OTUD7A: variants seen among roughly 807,000 people sequenced by gnomAD.
OTUD7A encodes OTU domain-containing protein 7A.
OTUD7A carries 12 observed loss-of-function variants against 65.7 expected under a neutral mutation model. That is an observed-to-expected ratio of 0.18 (90% CI 0.12 to 0.30). The LOEUF is 0.30. Among genes scored for constraint, OTUD7A ranks in the 10% least tolerant of loss-of-function variants. The pLI is 1.00. For missense variants in OTUD7A, 1,148 were observed against 1,304.8 expected (o/e 0.88, Z 1.85); for synonymous variants, 641 against 586.3 (o/e 1.09, Z -1.35).
At chr15:31,644,337 C>T (rs1393401521) in intron 3 of OTUD7A, among the ~76,000 whole-genome samples, 1 of 152,086 alleles carries the variant, frequency 6.6e-6, no homozygotes, top group African/African-American at 2.4e-5. Flanking sequence ...GCTCTAACCT[C>T]ACCCTTGGTG....
chr15:31,775,113 CACACA>C (rs1895342411), intron 1 of OTUD7A, among the ~76,000 whole-genome samples: 1 of 151,996 alleles, frequency 6.6e-6, no homozygotes, highest in East Asian at 1.9e-4. Context: ...CACACACACA[CACACA>C]CCCCTCCCCT....
In OTUD7A at chr15:31,791,317, G is replaced by A. The variant is rs764651139; in HGVS notation, c.-100+79190C>T. On this transcript the variant is annotated intron_variant, in intron 1 of 12. Transcript: ENST00000307050. ...TGGGATTACAGGCATAAGCTAACGCGCCCAGCCCTACTAATAGTCATCTTA... is the reference window on the plus strand; with the variant it reads ...TGGGATTACAGGCATAAGCTAACGCACCCAGCCCTACTAATAGTCATCTTA... 2.6e-5 allele frequency among the ~76,000 whole-genome samples: 4 copies of A among 152,138 alleles called. No individual in the cohort carries two copies. In the East Asian group the frequency reaches 7.7e-4, roughly 29 times the overall value.
chr15:31,525,111 C>G (rs182998196), intron 8 of OTUD7A, among the ~76,000 whole-genome samples: 1 of 152,208 alleles, frequency 6.6e-6, no homozygotes, highest in Non-Finnish European at 1.5e-5. Context: ...GACACCTGGC[C>G]TGGATCCAGT....
intron 1 of OTUD7A, among the ~76,000 whole-genome samples, chr15:31,857,511 T>A (rs528462763): frequency 6.6e-6 from 1 of 151,838 alleles, no homozygotes; most frequent in Non-Finnish European, 1.5e-5. Flanking sequence ...GGAAATCACA[T>A]AGGGATGGCA....
chr15:31,513,632 G>T (rs1302211603), intron 8 of OTUD7A, among the ~76,000 whole-genome samples: 7 of 152,200 alleles, frequency 4.6e-5, no homozygotes, highest in Admixed American at 4.6e-4. Flanking sequence ...CTCACAGTTA[G>T]ATTGGATTGG....
chr15:31,572,084 C>T (rs1889072409), intron 3 of OTUD7A, among the ~76,000 whole-genome samples: 2 of 152,156 alleles, frequency 1.3e-5, no homozygotes, highest in South Asian at 4.1e-4. Flanking sequence ...CTAGTTACAA[C>T]TTACATCCTA....
intron 1 of OTUD7A, among the ~76,000 whole-genome samples, chr15:31,673,948 A>G (rs900793701): frequency 6.6e-6 from 1 of 152,212 alleles, no homozygotes; most frequent in African/African-American, 2.4e-5. Flanking sequence ...AATATACCGG[A>G]TAATAAGTAT....
At chr15:31,537,662 T>C (rs891581810) in intron 5 of OTUD7A, among the ~76,000 whole-genome samples, 2 of 152,214 alleles carry the variant, frequency 1.3e-5, no homozygotes, top group African/African-American at 4.8e-5. Context: ...AAAACTGGGT[T>C]GCCACAGAGT....
chr15:31,549,135 CAAAAAAAAAAAA>C (rs568463366), intron 5 of OTUD7A, among the ~76,000 whole-genome samples: 2 of 65,082 alleles, frequency 3.1e-5, no homozygotes, highest in Non-Finnish European at 7.3e-5. Context: ...GGCCTTGTCT[CAAAAAAAAAAAA>C]AAAAAAAAAA....
intron 3 of OTUD7A, among the ~76,000 whole-genome samples, chr15:31,587,363 C>T (rs576865455): frequency 5.9e-5 from 9 of 152,142 alleles, no homozygotes; most frequent in Non-Finnish European, 8.8e-5. Flanking sequence ...CTTGGCCGGG[C>T]GCGGTGGCTC....
chr15:31,691,038 G>T (rs544321334), intron 1 of OTUD7A, among the ~76,000 whole-genome samples: 1 of 152,122 alleles, frequency 6.6e-6, no homozygotes, highest in Non-Finnish European at 1.5e-5. Flanking sequence ...TCATATATCT[G>T]ATAAGGGATT....
intron 5 of OTUD7A, among the ~76,000 whole-genome samples, chr15:31,552,053 G>A (rs1004846914): frequency 1.3e-5 from 2 of 152,178 alleles, no homozygotes; most frequent in African/African-American, 2.4e-5. Flanking sequence ...TGCCATCCTC[G>A]CAGTAATGAG....
intron 1 of OTUD7A, among the ~76,000 whole-genome samples, chr15:31,726,771 T>C (rs1226822011): frequency 6.6e-6 from 1 of 152,214 alleles, no homozygotes; most frequent in Non-Finnish European, 1.5e-5. Flanking sequence ...GATTTCTCAA[T>C]GTTAGAAGTG....
chr15:31,848,470 C>T (rs532036241), intron 1 of OTUD7A, among the ~76,000 whole-genome samples: 25 of 152,226 alleles, frequency 1.6e-4, no homozygotes, highest in African/African-American at 5.3e-4. Flanking sequence ...ACAGTTTTCT[C>T]TCACTGAGCT....
intron 5 of OTUD7A, among the ~76,000 whole-genome samples, chr15:31,532,425 CA>C (rs1264904014): frequency 6.6e-6 from 1 of 151,790 alleles, no homozygotes; most frequent in Non-Finnish European, 1.5e-5. Flanking sequence ...TTTAAAAACT[CA>C]ATGGATGTGC....
rs370034750 is a variant in OTUD7A, at chr15:31,806,623, G to A, written c.-100+63884C>T. 1.7e-4 allele frequency among the ~76,000 whole-genome samples: 26 copies of A among 152,312 alleles called. No homozygotes were observed. The East Asian group carries it at 4.8e-3, about 28-fold the overall frequency. ...CTGCTGGTCCTGGGGGTCAAAGGCTGATCATCCCATCCTTCAGCCACTGTC... is the reference window on the plus strand; with the variant it reads ...CTGCTGGTCCTGGGGGTCAAAGGCTAATCATCCCATCCTTCAGCCACTGTC... On this transcript the variant is annotated intron_variant, in intron 1 of 12. Transcript: ENST00000307050.
rs1210915335 is a variant in OTUD7A, at chr15:31,481,381, G to A, written c.*1913C>T. The A allele has an allele frequency of 2.0e-5, 3 of 152,322 alleles. No homozygotes were observed. Among genetic ancestry groups the A allele is most frequent in the East Asian group, 1.9e-4 (1 of 5,188 alleles). 9.4% of individuals were successfully genotyped at this position (152,322 alleles called of 1,614,324 possible). A position where few individuals can be genotyped will look rare whatever the true frequency, so the allele number is the denominator to read the frequency against. ...TTGGATGCCAAAGCAGCTGCTCAGCGTGACACGAAGAATCAGTCCAGAAAG... is the reference window on the plus strand; with the variant it reads ...TTGGATGCCAAAGCAGCTGCTCAGCATGACACGAAGAATCAGTCCAGAAAG... On this transcript the variant is annotated 3_prime_UTR_variant, in exon 13 of 13. Transcript: ENST00000307050.
At chr15:31,504,735 C>T (rs899609889) in intron 8 of OTUD7A, among the ~76,000 whole-genome samples, 4 of 152,106 alleles carry the variant, frequency 2.6e-5, no homozygotes, top group African/African-American at 9.7e-5. Flanking sequence ...TGGCCCCTGG[C>T]ATGGCCTGGG....
chr15:31,623,444 C>T (rs1229989348), intron 3 of OTUD7A, among the ~76,000 whole-genome samples: 1 of 152,228 alleles, frequency 6.6e-6, no homozygotes, highest in Non-Finnish European at 1.5e-5. Context: ...CTTTGTTTAC[C>T]TACTCAAGCC....
Sources: allele counts gnomAD v4.1 joint callset (sites outside exome capture counted in the v4.1 genomes callset), GRCh38; gene constraint gnomAD v4.1.1; transcripts MANE v1.5; gene names NCBI Gene and HGNC (gene_info 2026-07-23, HGNC 2026-07-21).